LARGE1: variants seen among roughly 807,000 people sequenced by gnomAD.
LARGE1 encodes xylosyl- and glucuronyltransferase LARGE1.
Under a neutral mutation model 87.6 loss-of-function variants are expected in LARGE1, and 43 were observed. That is an observed-to-expected ratio of 0.49 (90% CI 0.38 to 0.63). The LOEUF (loss-of-function observed/expected upper bound fraction) is 0.63, where lower values mean the gene tolerates loss of function less well. Ranked by LOEUF, LARGE1 falls within the 30% of genes least tolerant of loss-of-function variation. LARGE1 has a pLI of 0.00. For missense variants in LARGE1, 802 were observed against 1,000.2 expected (o/e 0.80, Z 2.67); for synonymous variants, 434 against 394.6 (o/e 1.10, Z -1.18).
At chr22:33,389,438 G>C (rs1233855304) in intron 7 of LARGE1, among the ~76,000 whole-genome samples, 1 of 152,226 alleles carries the variant, frequency 6.6e-6, no homozygotes, top group East Asian at 1.9e-4. Context: ...AGATGATTTT[G>C]TTGGCACTTG....
chr22:33,677,822 G>C (rs1007494970), intron 2 of LARGE1, among the ~76,000 whole-genome samples: 7 of 152,144 alleles, frequency 4.6e-5, no homozygotes, highest in Non-Finnish European at 5.9e-5. Flanking sequence ...TAGTCACATG[G>C]GAGCACAAGA....
intron 6 of LARGE1, among the ~76,000 whole-genome samples, chr22:33,481,395 G>A (rs772811182): frequency 6.6e-5 from 10 of 152,028 alleles, no homozygotes; most frequent in Non-Finnish European, 1.2e-4. Flanking sequence ...ATTCATGTCT[G>A]TGGGCCATTA....
At chr22:33,234,553 T>G (rs1487357835) in intron 11 of LARGE1, among the ~76,000 whole-genome samples, 2 of 152,160 alleles carry the variant, frequency 1.3e-5, no homozygotes, top group East Asian at 3.8e-4. Flanking sequence ...TTTTGTTTTG[T>G]TTTTTGAGAC....
chr22:33,657,281 T>A (rs1463356546), intron 2 of LARGE1: 1 of 152,234 alleles, frequency 6.6e-6, no homozygotes, highest in Non-Finnish European at 1.5e-5. Flanking sequence ...AACCTTTATA[T>A]GGCAAAATCT....
intron 1 of LARGE1, among the ~76,000 whole-genome samples, chr22:33,872,075 G>A (rs1034142377): frequency 6.6e-6 from 1 of 151,382 alleles, no homozygotes; most frequent in Non-Finnish European, 1.5e-5. Flanking sequence ...GGGTTCCTTC[G>A]AGTTGAAGAA....
At chr22:33,192,853 G>A (rs1179885354) in intron 11 of LARGE1, among the ~76,000 whole-genome samples, 1 of 152,114 alleles carries the variant, frequency 6.6e-6, no homozygotes, top group Non-Finnish European at 1.5e-5. Context: ...TGTATGGGGT[G>A]AGATAAGAGT....
chr22:33,141,169 ATCTCTC>A, the LARGE1 span, among the ~76,000 whole-genome samples: 153 of 143,962 alleles, frequency 1.1e-3, 1 homozygote, highest in African/African-American at 3.2e-3. Flanking sequence ...TATTCTCAGA[ATCTCTC>A]TCTCTCTCTC....
At chr22:33,616,228 C>T (rs2079575571) in intron 4 of LARGE1, among the ~76,000 whole-genome samples, 1 of 152,174 alleles carries the variant, frequency 6.6e-6, no homozygotes, top group Middle Eastern at 3.4e-3. Flanking sequence ...AGTGGATGGC[C>T]GGGCACTGTG....
At chr22:33,500,484 C>T (rs772881610) in intron 6 of LARGE1, among the ~76,000 whole-genome samples, 12 of 152,068 alleles carry the variant, frequency 7.9e-5, no homozygotes, top group Non-Finnish European at 1.3e-4. Context: ...TGGAATCTCC[C>T]GCAGGAGACT....
the LARGE1 span, among the ~76,000 whole-genome samples, chr22:33,101,158 T>C: frequency 2.0e-5 from 3 of 152,190 alleles, no homozygotes; most frequent in African/African-American, 7.2e-5. Flanking sequence ...ATTAACTTCT[T>C]TCACATCCAT....
chr22:33,774,392 T>C (rs1031043929), intron 1 of LARGE1, among the ~76,000 whole-genome samples: 9 of 152,318 alleles, frequency 5.9e-5, no homozygotes, highest in Admixed American at 4.6e-4. Context: ...AGTCTTGCTC[T>C]GTGGCCCAGG....
At chr22:33,332,608 A>ACTT (rs1937872991) in intron 10 of LARGE1, among the ~76,000 whole-genome samples, 1 of 152,164 alleles carries the variant, frequency 6.6e-6, no homozygotes, top group East Asian at 1.9e-4. Flanking sequence ...CCATCTGTGC[A>ACTT]CTTATCACAG....
chr22:33,868,320 T>G (rs553948417), intron 1 of LARGE1, among the ~76,000 whole-genome samples: 1 of 152,316 alleles, frequency 6.6e-6, no homozygotes, highest in African/African-American at 2.4e-5. Context: ...TCTATGTGGC[T>G]TTTATACATG....
rs182086751 is a variant in LARGE1 at position 33,599,470 on chromosome 22, G to A, written c.615+4965C>T. ...CTGTTGGTACCAGGAGTTGGAGGCC[G>A]GAAACAAATGGGCCATGTAAACATT... On this transcript the variant is annotated intron_variant, in intron 5 of 14. Coordinates refer to ENST00000397394, the MANE Select transcript of LARGE1 (RefSeq NM_133642.5). Among the ~76,000 whole-genome samples, 309 of 152,236 alleles carry A rather than the reference G, an allele frequency of 2.0e-3. 1 individual carries two copies. Among genetic ancestry groups the A allele is most frequent in the African/African-American group, 7.0e-3 (291 of 41,532 alleles).
intron 5 of LARGE1, among the ~76,000 whole-genome samples, chr22:33,586,301 T>C (rs988215848): frequency 1.3e-5 from 2 of 152,160 alleles, no homozygotes; most frequent in African/African-American, 4.8e-5. Context: ...GGTGCTCTTC[T>C]ACCTGGATTA....
At chr22:33,072,289 A>C in the LARGE1 span, among the ~76,000 whole-genome samples, 1 of 152,038 alleles carries the variant, frequency 6.6e-6, no homozygotes, top group Non-Finnish European at 1.5e-5. Flanking sequence ...GAGGAGGAGA[A>C]GGAGGAGGAG....
chr22:33,477,003 C>T (rs1438030954), intron 6 of LARGE1, among the ~76,000 whole-genome samples: 1 of 152,200 alleles, frequency 6.6e-6, no homozygotes, highest in Non-Finnish European at 1.5e-5. Flanking sequence ...TGTCACAGTG[C>T]TCTTTTCTCA....
chr22:33,557,860 C>T (rs2077739575), intron 6 of LARGE1, among the ~76,000 whole-genome samples: 1 of 152,152 alleles, frequency 6.6e-6, no homozygotes, highest in Admixed American at 6.5e-5. Flanking sequence ...AGCCACTAAG[C>T]CCGGCCCAGG....
At chr22:33,922,384 T>C (rs568656912), upstream of LARGE1, 1 of 152,230 alleles carries the variant, frequency 6.6e-6, no homozygotes, top group South Asian at 2.1e-4. Context: ...CTGGGACCCT[T>C]CTCCCATCCC....
Sources: gnomAD v4.1 joint callset for allele counts (sites outside exome capture counted in the v4.1 genomes callset) on GRCh38, gnomAD v4.1.1 for gene constraint, MANE v1.5 for transcripts, NCBI Gene and HGNC (gene_info 2026-07-23, HGNC 2026-07-21) for gene names.